TBCD: variants seen among roughly 807,000 people sequenced by gnomAD.
The protein encoded by TBCD is tubulin-specific chaperone D.
TBCD carries 105 observed loss-of-function variants against 169.3 expected under a neutral mutation model. That is an observed-to-expected ratio of 0.62 (90% CI 0.53 to 0.73). The LOEUF (loss-of-function observed/expected upper bound fraction) is 0.73. TBCD is among the 30% of genes least tolerant of loss of function. The pLI, the probability that TBCD is intolerant of heterozygous loss-of-function variation, is 0.00. For missense variants in TBCD, 1,444 were observed against 1,600.1 expected, an observed-to-expected ratio of 0.90 and a Z score of 1.66; for synonymous variants, 700 against 643.9, an observed-to-expected ratio of 1.09 and a Z score of -1.32.
At chr17:82,862,120 C>T (rs1187753116) in intron 13 of TBCD, among the ~76,000 whole-genome samples, 1 of 152,046 alleles carries the variant, frequency 6.6e-6, no homozygotes, top group African/African-American at 2.4e-5. Context: ...GACGGGGTTT[C>T]ACCGTGTTAG....
chr17:82,933,246 C>T (rs1428752368), intron 34 of TBCD, among the ~76,000 whole-genome samples: 1 of 146,596 alleles, frequency 6.8e-6, no homozygotes, highest in African/African-American at 2.5e-5. Context: ...TTTCTTGCTT[C>T]ATTGAATTTC....
At chr17:82,834,658 G>C (rs1266126858) in intron 13 of TBCD, among the ~76,000 whole-genome samples, 1 of 151,686 alleles carries the variant, frequency 6.6e-6, no homozygotes, top group African/African-American at 2.4e-5. Flanking sequence ...ATAAGTGGGA[G>C]CTGAACAGTG....
intron 21 of TBCD, chr17:82,908,446 T>C (rs533786081): frequency 1.1e-5 from 5 of 453,498 alleles, no homozygotes; most frequent in South Asian, 7.8e-5. Context: ...AGGTAAAGTA[T>C]GAACTATGGA....
At chr17:82,867,589 A>G (rs1018410961) in intron 13 of TBCD, among the ~76,000 whole-genome samples, 1 of 152,214 alleles carries the variant, frequency 6.6e-6, no homozygotes, top group African/African-American at 2.4e-5. Flanking sequence ...CTCAGAGTGG[A>G]CTTTCCGGGG....
chr17:82,791,029 A>G (rs956108632), intron 7 of TBCD, among the ~76,000 whole-genome samples: 13 of 151,044 alleles, frequency 8.6e-5, no homozygotes, highest in Non-Finnish European at 4.4e-5. Flanking sequence ...GGAGCTGCAT[A>G]CAATTCTATT....
At chr17:82,849,590 G>A (rs1444904121) in intron 13 of TBCD, among the ~76,000 whole-genome samples, 2 of 152,216 alleles carry the variant, frequency 1.3e-5, no homozygotes, top group Non-Finnish European at 2.9e-5. Flanking sequence ...AGTAAGAACC[G>A]CGTGGCACTA....
intron 15 of TBCD, among the ~76,000 whole-genome samples, chr17:82,887,598 G>A (rs971687077): frequency 6.6e-6 from 1 of 152,184 alleles, no homozygotes; most frequent in African/African-American, 2.4e-5. Context: ...AGGTTTTCGT[G>A]TGAGTGTAAC....
chr17:82,772,413 G>A (rs2048355333), intron 5 of TBCD, 39 bp from the exon 6 acceptor site: 1 of 1,612,162 alleles, frequency 6.2e-7, no homozygotes, highest in Admixed American at 1.7e-5. Flanking sequence ...GCTGGCGTGT[G>A]CAGGAGTGAC....
rs2052641159 is a variant in TBCD, at chr17:82,824,198, T to C, written c.1318+9264T>C. ...TTTTTACTTTTATTTTTATTTTTTTTTGAGACAGAGTCTTGCTCTATCACC... is the reference window on the plus strand; with the variant it reads ...TTTTTACTTTTATTTTTATTTTTTTCTGAGACAGAGTCTTGCTCTATCACC... On this transcript the variant is annotated intron_variant, in intron 13 of 38. Coordinates refer to ENST00000355528, the MANE Select transcript of TBCD (RefSeq NM_005993.5). Among the ~76,000 whole-genome samples, 4 of 152,090 alleles carry C rather than the reference T, an allele frequency of 2.6e-5. No individual in the cohort carries two copies. In the South Asian group the frequency reaches 6.2e-4, roughly 24 times the overall value.
intron 7 of TBCD, 82 bp downstream of exon 7, chr17:82,781,803 T>G: frequency 6.4e-7 from 1 of 1,567,104 alleles, no homozygotes; most frequent in South Asian, 1.2e-5. Context: ...TTACCTGTGA[T>G]TCCATCTTGA....
chr17:82,890,015 C>T lies in TBCD; in HGVS notation c.1563+318C>T, dbSNP rs2059020598. Among the ~76,000 whole-genome samples the T allele has an allele frequency of 6.6e-6, 1 of 152,218 alleles. No homozygotes were observed. Among genetic ancestry groups the T allele is most frequent in the Admixed American group, 6.5e-5 (1 of 15,294 alleles). On this transcript the variant is annotated intron_variant, in intron 16 of 38. Coordinates refer to ENST00000355528, the MANE Select transcript of TBCD (RefSeq NM_005993.5). The surrounding 1 kb of genome is among the most constrained non-coding windows in gnomAD (Gnocchi z 5.3). ...TGGCCTTGCGGGGACGCAGACCTGA[C>T]CCCGCCTCATCCCACACAGAGCAGG...
intron 13 of TBCD, among the ~76,000 whole-genome samples, chr17:82,844,251 T>C (rs1405468706): frequency 2.5e-5 from 1 of 39,950 alleles, no homozygotes; most frequent in Non-Finnish European, 4.7e-5. Context: ...AGACCTGGGG[T>C]CTTGCTGTGT....
intron 13 of TBCD, among the ~76,000 whole-genome samples, chr17:82,869,626 C>T (rs979301267): frequency 5.9e-5 from 9 of 152,264 alleles, no homozygotes; most frequent in Non-Finnish European, 5.9e-5. Flanking sequence ...TCGGATTTCT[C>T]TGCGTGGCTG....
chr17:82,919,504 G>A (rs78827712), intron 23 of TBCD, among the ~76,000 whole-genome samples: 15,271 of 152,102 alleles, frequency 0.1, 1,057 homozygotes, highest in South Asian at 0.3. Flanking sequence ...TGCCTGTGAC[G>A]AGGTAAAGGA....
chr17:82,843,229 T>G (rs1340095790), intron 13 of TBCD, among the ~76,000 whole-genome samples: 1 of 152,082 alleles, frequency 6.6e-6, no homozygotes, highest in Non-Finnish European at 1.5e-5. Flanking sequence ...AACTCTCATA[T>G]GCCCAACGGT....
rs531385850 is a variant in TBCD, at chr17:82,923,217, A to G, written c.2179-435A>G. On this transcript the variant is annotated intron_variant, in intron 25 of 38. Transcript: ENST00000355528. The surrounding 1 kb of genome is among the most constrained non-coding windows in gnomAD (Gnocchi z 4.6). ...ATGCTCCATTTTATTATTGTTCCAT[A>G]TTAGAAGACAGACATTGTGGAAGGA... is the stretch of plus-strand genomic sequence containing the variant. Among the ~76,000 whole-genome samples the G allele has an allele frequency of 6.6e-6, 1 of 152,354 alleles. No homozygotes were observed. The highest frequency in any genetic ancestry group is 2.1e-4 in the South Asian group (1 of 4,828).
intron 14 of TBCD, among the ~76,000 whole-genome samples, chr17:82,871,470 C>T (rs1399460078): frequency 6.6e-6 from 1 of 152,194 alleles, no homozygotes; most frequent in Non-Finnish European, 1.5e-5. Context: ...CCGCACTTCA[C>T]CTGACAACTT....
rs368566339 is a variant in TBCD at position 82,926,521 on chromosome 17, G to T, written c.2471+30G>T. The T allele has an allele frequency of 5.6e-6, 9 of 1,598,170 alleles. No homozygotes were observed. In the African/African-American group the frequency reaches 1.1e-4, roughly 19 times the overall value. On this transcript the variant is annotated intron_variant, in intron 28 of 38. Transcript: ENST00000355528. ...GTCCCAACAGTTCCTCCCTAAAGTC[G>T]TAAGTCTCTGAAAGGCCAGCAGATG...
intron 17 of TBCD, among the ~76,000 whole-genome samples, chr17:82,896,894 G>T (rs1045661140): frequency 6.6e-6 from 1 of 151,844 alleles, no homozygotes; most frequent in Admixed American, 6.6e-5. Context: ...TCAAGCTCGG[G>T]GTCCGGGATC....
Sources: gnomAD v4.1 joint callset for allele counts (sites outside exome capture counted in the v4.1 genomes callset) on GRCh38, gnomAD v4.1.1 for gene constraint, Gnocchi (gnomAD v3.1) non-coding constraint, MANE v1.5 for transcripts, NCBI Gene and HGNC (gene_info 2026-07-23, HGNC 2026-07-21) for gene names.